The following FAT3 variants were observed in gnomAD, a reference collection of about 807,000 sequenced individuals.
FAT3 encodes the protein protocadherin Fat 3.
A neutral mutation model predicts 310.2 loss-of-function variants in FAT3; 95 were observed. The observed-to-expected ratio is 0.31, with a 90% CI of 0.26 to 0.36. The LOEUF is 0.36. FAT3 is among the 10% of genes least tolerant of loss of function. FAT3 has a pLI of 1.00. For synonymous variants in FAT3, 2,314 were observed against 2,192.9 expected, an observed-to-expected ratio of 1.06 and a Z score of -1.54; for missense variants, 5,408 against 5,715.6, an observed-to-expected ratio of 0.95 and a Z score of 1.74.
chr11:92,493,107 C>T (rs645334), intron 2 of FAT3, among the ~76,000 whole-genome samples: 54,858 of 151,904 alleles, frequency 0.36, 10,950 homozygotes, highest in Middle Eastern at 0.53. Flanking sequence ...CTAGTCAAGA[C>T]GTTTCTCATA....
Position 92,517,841 on chromosome 11 carries a change from A to T in FAT3, c.3293-6793A>T, listed in dbSNP as rs951909776. ...GAACAGACACTTCTCAAAAGAAGAC[A>T]TTTATATGGCAAACAAACATATGAA... On this transcript the variant is annotated intron_variant, in intron 2 of 27. Coordinates refer to ENST00000525166, the MANE Select transcript of FAT3 (RefSeq NM_001367949.2). Among the ~76,000 whole-genome samples, 5 of 152,250 alleles carry T rather than the reference A, an allele frequency of 3.3e-5. No individual in the cohort carries two copies. In the East Asian group the frequency reaches 7.7e-4, roughly 23 times the overall value.
chr11:92,837,637 A>T (rs1481957322), intron 16 of FAT3, 26 bp from the exon 17 acceptor site: 1 of 1,612,774 alleles, frequency 6.2e-7, no homozygotes, highest in East Asian at 2.2e-5. Flanking sequence ...ACACCTCTTT[A>T]CTGTCACCTC....
intron 4 of FAT3, among the ~76,000 whole-genome samples, chr11:92,715,433 TAAAA>T (rs888664851): frequency 1.3e-5 from 2 of 151,346 alleles, no homozygotes; most frequent in African/African-American, 4.9e-5. Context: ...TAAATAAAAA[TAAAA>T]AATTAATTAA....
At chr11:92,642,677 G>A (rs906243844) in intron 3 of FAT3, among the ~76,000 whole-genome samples, 5 of 152,334 alleles carry the variant, frequency 3.3e-5, no homozygotes, top group East Asian at 1.9e-4. Flanking sequence ...TTTCTAGAGA[G>A]CATTGAGACA....
chr11:92,388,387 A>C (rs1949675600), intron 2 of FAT3, among the ~76,000 whole-genome samples: 1 of 152,110 alleles, frequency 6.6e-6, no homozygotes, highest in Non-Finnish European at 1.5e-5. Context: ...GGTAGTGCTT[A>C]TTCCTCATTT....
At chr11:92,876,145 T>C (rs962946008) in intron 22 of FAT3, among the ~76,000 whole-genome samples, 1 of 152,192 alleles carries the variant, frequency 6.6e-6, no homozygotes, top group Non-Finnish European at 1.5e-5. Flanking sequence ...CAAGTTTACC[T>C]ACCTTGCCTT....
chr11:92,707,753 A>G (rs563431511), intron 4 of FAT3, among the ~76,000 whole-genome samples: 1 of 152,172 alleles, frequency 6.6e-6, no homozygotes, highest in African/African-American at 2.4e-5. Flanking sequence ...TCTCTGAGCT[A>G]CAGAATGATC....
intron 2 of FAT3, among the ~76,000 whole-genome samples, chr11:92,416,076 A>C (rs1950404629): frequency 6.8e-6 from 1 of 147,530 alleles, no homozygotes. Context: ...AAGCCTAAAA[A>C]AAAAAAAAAA....
intron 1 of FAT3, among the ~76,000 whole-genome samples, chr11:92,278,672 A>C (rs991856540): frequency 6.6e-6 from 1 of 152,306 alleles, no homozygotes; most frequent in South Asian, 2.1e-4. Flanking sequence ...ACCTGTCAAA[A>C]TAAATAGAAG....
At position 92,883,200 on chromosome 11, in the gene FAT3, C is replaced by T. The variant is rs1365478283; in HGVS notation, c.12744C>T (p.Asn4248=). ...GCTTCCAGAGTGACTCCAGGAGCAA[C>T]CTGGATAAGATCGTGGACGGGCTGG... ...TPCFQSDSRS[N]LDKIVDGLGG... The change falls in exon 24 of 28, where the codon AAC becomes AAT. Residue 4248 remains asparagine (N), a synonymous_variant. Transcript: ENST00000525166. The surrounding 1 kb of genome is among the most constrained non-coding windows in gnomAD (Gnocchi z 4.2). The T allele has an allele frequency of 1.2e-6, 2 of 1,613,352 alleles. No homozygotes were observed. Among genetic ancestry groups the T allele is most frequent in the South Asian group, 1.1e-5 (1 of 91,086 alleles).
intron 4 of FAT3, among the ~76,000 whole-genome samples, chr11:92,752,472 T>C (rs1945854781): frequency 6.6e-6 from 1 of 152,240 alleles, no homozygotes; most frequent in African/African-American, 2.4e-5. Flanking sequence ...TGCAGGGCTC[T>C]GCATCTCACA....
intron 1 of FAT3, among the ~76,000 whole-genome samples, chr11:92,335,046 A>G (rs1446986079): frequency 6.6e-6 from 1 of 152,184 alleles, no homozygotes; most frequent in Non-Finnish European, 1.5e-5. Flanking sequence ...TGATGTCGCC[A>G]CAATGTTTGA....
intron 3 of FAT3, among the ~76,000 whole-genome samples, chr11:92,660,837 T>C (rs1162240997): frequency 6.6e-6 from 1 of 152,210 alleles, no homozygotes; most frequent in Non-Finnish European, 1.5e-5. Flanking sequence ...TCACTTAGAA[T>C]CTTCTCTACA....
chr11:92,715,911 G>C (rs1591641541), intron 4 of FAT3, among the ~76,000 whole-genome samples: 1 of 152,066 alleles, frequency 6.6e-6, no homozygotes, highest in African/African-American at 2.4e-5. Flanking sequence ...TAGCCTACCT[G>C]CCAGTGGAAG....
chr11:92,237,857 A>G (rs1053379043), intron 1 of FAT3, among the ~76,000 whole-genome samples: 2 of 152,164 alleles, frequency 1.3e-5, no homozygotes, highest in Non-Finnish European at 2.9e-5. Context: ...GAGTATTACT[A>G]TCTGAGATCC....
At chr11:92,372,606 G>A (rs1463340904) in intron 2 of FAT3, among the ~76,000 whole-genome samples, 2 of 152,034 alleles carry the variant, frequency 1.3e-5, no homozygotes, top group Middle Eastern at 3.2e-3. Context: ...GGACTGCTTA[G>A]AACTACAAAG....
At chr11:92,290,403 G>A (rs1222020459) in intron 1 of FAT3, among the ~76,000 whole-genome samples, 1 of 152,112 alleles carries the variant, frequency 6.6e-6, no homozygotes, top group Non-Finnish European at 1.5e-5. Flanking sequence ...ATGAATGAAT[G>A]CTTTCCAGCA....
chr11:92,784,411 T>C (rs535162849), intron 7 of FAT3, among the ~76,000 whole-genome samples: 12 of 152,328 alleles, frequency 7.9e-5, no homozygotes, highest in Non-Finnish European at 1.3e-4. Context: ...CAGGACTTAA[T>C]TGGTTCTAAT....
rs139777378 is a variant in FAT3, at chr11:92,430,765, G to GTT, written c.3292+75366_3292+75367dup. Among the ~76,000 whole-genome samples the GTT allele has an allele frequency of 1.3e-4, 19 of 151,730 alleles. No homozygotes were observed. In the South Asian group the frequency reaches 3.5e-3, roughly 28 times the overall value. The stretch of plus-strand genomic sequence containing the variant: ...TATGAGTGAGAACATGCGATGTTTG[G>GTT]TTTTTTGTCCTTGCAATAGTTTGCT... On this transcript the variant is annotated intron_variant, in intron 2 of 27. Coordinates refer to ENST00000525166, the MANE Select transcript of FAT3 (RefSeq NM_001367949.2).
Sources: allele counts gnomAD v4.1 joint callset (sites outside exome capture counted in the v4.1 genomes callset), GRCh38; gene constraint gnomAD v4.1.1; non-coding constraint Gnocchi (gnomAD v3.1); transcripts MANE v1.5; gene names NCBI Gene and HGNC (gene_info 2026-07-23, HGNC 2026-07-21).